Variants in NWD2 observed in about 807,000 individuals in gnomAD.
NWD2 encodes the protein NACHT and WD repeat domain containing 2.
NWD2 carries 37 observed loss-of-function variants against 132.7 expected under a neutral mutation model. That is an observed-to-expected ratio of 0.28 (90% CI 0.21 to 0.37). The LOEUF is 0.37. Ranked by LOEUF, NWD2 falls within the 10% of genes least tolerant of loss-of-function variation. The pLI is 1.00. For synonymous variants in NWD2, 705 were observed against 803.0 expected (o/e 0.88, Z 2.06); for missense variants, 1,592 against 2,122.4 (o/e 0.75, Z 4.91).
At chr4:37,350,365 G>A (rs1014666141) in intron 2 of NWD2, among the ~76,000 whole-genome samples, 1 of 152,136 alleles carries the variant, frequency 6.6e-6, no homozygotes, top group Admixed American at 6.5e-5. Context: ...TCCTTGAGCA[G>A]TATTTTGTAG....
rs957163635 is a variant in NWD2 at position 37,311,716 on chromosome 4, G to T, written c.152-14220G>T. ...GAAGTCCTTGCCCATGCCTATGTCC[G>T]GAATGGTAATGCCTAGGTTTTCTTC... On this transcript the variant is annotated intron_variant, in intron 1 of 6. Coordinates refer to ENST00000309447, the MANE Select transcript of NWD2 (RefSeq NM_001144990.2). Among the ~76,000 whole-genome samples the T allele has an allele frequency of 1.5e-4, 22 of 148,562 alleles. 2 individuals carry two copies. Among genetic ancestry groups the T allele is most frequent in the African/African-American group, 3.1e-4 (12 of 38,184 alleles).
At chr4:37,279,848 T>C (rs1577653857) in intron 1 of NWD2, among the ~76,000 whole-genome samples, 1 of 152,182 alleles carries the variant, frequency 6.6e-6, no homozygotes, top group Non-Finnish European at 1.5e-5. Flanking sequence ...TCTTTTCTCA[T>C]AAGAGAATTC....
Position 37,446,718 on chromosome 4 carries a change from G to A in NWD2, c.4730G>A (p.Arg1577His), listed in dbSNP as rs917363978. The change falls in exon 7 of 7, where the codon CGC (arginine) becomes CAC (histidine). Residue 1577 changes from arginine (R) to histidine (H), a missense_variant. Arg to His is a conservative substitution (Grantham distance 29). Around this residue, in one of 7 missense-constraint regions of NWD2, gnomAD observed 257 missense variants for 335.0 expected, o/e 0.77. Coordinates refer to ENST00000309447, the MANE Select transcript of NWD2 (RefSeq NM_001144990.2). The surrounding 1 kb of genome is among the most constrained non-coding windows in gnomAD (Gnocchi z 6.7). Reference protein sequence around the residue: ...IWRQRLSRDGRYLVYICFRNG... With the variant: ...IWRQRLSRDGHYLVYICFRNG... ...CGGCAGAGGTTGTCTCGGGATGGTCGCTACCTGGTATACATTTGTTTCCGA... is the reference window on the plus strand; with the variant it reads ...CGGCAGAGGTTGTCTCGGGATGGTCACTACCTGGTATACATTTGTTTCCGA... The A allele has an allele frequency of 2.6e-6, 4 of 1,551,332 alleles. No homozygotes were observed. The highest frequency in any genetic ancestry group is 4.9e-5 in the East Asian group (2 of 40,918).
Position 37,443,801 on chromosome 4 carries a change from T to A in NWD2, c.1813T>A (p.Ser605Thr). Residue 605 changes from serine (S) to threonine (T), a missense_variant, in exon 7 of 7, where the codon TCC becomes ACC. By Grantham distance (58) the Ser-to-Thr change is moderately conservative. Transcript: ENST00000309447. The surrounding 1 kb of genome is among the most constrained non-coding windows in gnomAD (Gnocchi z 4.1). ...GCAGATTTATGTGAACAATGCATTA[T>A]CCAAGTGCACACTGCCAATGTTTGT... is the stretch of plus-strand genomic sequence containing the variant. The part of the protein sequence containing the change: ...GQQIYVNNAL[S>T]KCTLPMFVNL... 1 of 1,552,056 alleles carries A rather than the reference T, an allele frequency of 6.4e-7. No individual in the cohort carries two copies.
chr4:37,307,152 G>A (rs1203841463), intron 1 of NWD2, among the ~76,000 whole-genome samples: 2 of 152,258 alleles, frequency 1.3e-5, no homozygotes, highest in South Asian at 4.1e-4. Context: ...TCCAATGTTG[G>A]CTGCAGTTTG....
intron 3 of NWD2, among the ~76,000 whole-genome samples, chr4:37,357,516 T>C (rs924914151): frequency 6.6e-6 from 1 of 152,202 alleles, no homozygotes; most frequent in Non-Finnish European, 1.5e-5. Context: ...GATTACTCAC[T>C]AACTGCCTGA....
intron 3 of NWD2, among the ~76,000 whole-genome samples, chr4:37,376,515 C>G (rs1691173896): frequency 1.3e-5 from 2 of 152,164 alleles, no homozygotes; most frequent in African/African-American, 4.8e-5. Flanking sequence ...ATGAATGCTT[C>G]CAGCTTGTAG....
chr4:37,410,400 G>C (rs1239365104), intron 3 of NWD2, among the ~76,000 whole-genome samples: 1 of 151,990 alleles, frequency 6.6e-6, no homozygotes, highest in Non-Finnish European at 1.5e-5. Context: ...GAACGAAAGA[G>C]AAAAAGCCAT....
intron 1 of NWD2, among the ~76,000 whole-genome samples, chr4:37,258,290 C>A (rs1177478219): frequency 6.6e-6 from 1 of 152,224 alleles, no homozygotes; most frequent in Non-Finnish European, 1.5e-5. Context: ...ACCCAACCAA[C>A]TTTCACTGTA....
At chr4:37,303,480 A>T (rs1036031049) in intron 1 of NWD2, among the ~76,000 whole-genome samples, 1 of 151,994 alleles carries the variant, frequency 6.6e-6, no homozygotes, top group East Asian at 1.9e-4. Context: ...TATTTCTTTT[A>T]TTTCTGTGAA....
At chr4:37,307,185 TTTAA>T (rs1481310839) in intron 1 of NWD2, among the ~76,000 whole-genome samples, 2 of 152,182 alleles carry the variant, frequency 1.3e-5, no homozygotes, top group East Asian at 3.8e-4. Flanking sequence ...AGTGATAAAG[TTTAA>T]TTATTTCTTT....
intron 3 of NWD2, among the ~76,000 whole-genome samples, chr4:37,406,082 G>T (rs1265662802): frequency 2.0e-5 from 3 of 152,180 alleles, no homozygotes; most frequent in Non-Finnish European, 4.4e-5. Flanking sequence ...AAGAAGTCAC[G>T]TTAAGTCATG....
intron 3 of NWD2, among the ~76,000 whole-genome samples, chr4:37,389,545 GAGAGCTTTT>G (rs1316354493): frequency 3.9e-5 from 6 of 152,222 alleles, no homozygotes; most frequent in African/African-American, 1.4e-4. Flanking sequence ...GCAGTTGACT[GAGAGCTTTT>G]CATGTTAGTC....
At chr4:37,359,129 T>G (rs905162798) in intron 3 of NWD2, among the ~76,000 whole-genome samples, 1 of 152,198 alleles carries the variant, frequency 6.6e-6, no homozygotes, top group Non-Finnish European at 1.5e-5. Context: ...TAGACATGAC[T>G]ATGAATTCCA....
chr4:37,304,382 C>T (rs1409947107), intron 1 of NWD2, among the ~76,000 whole-genome samples: 2 of 152,316 alleles, frequency 1.3e-5, no homozygotes, highest in East Asian at 3.9e-4. Flanking sequence ...CTTCCCAAAT[C>T]TCATGTCCTT....
chr4:37,402,297 A>C (rs1720910291), intron 3 of NWD2, among the ~76,000 whole-genome samples: 1 of 152,200 alleles, frequency 6.6e-6, no homozygotes. Flanking sequence ...CACAAAACCC[A>C]CTAGAATAGC....
intron 1 of NWD2, among the ~76,000 whole-genome samples, chr4:37,301,849 G>A (rs1047940197): frequency 1.3e-5 from 2 of 151,952 alleles, no homozygotes; most frequent in African/African-American, 2.4e-5. Context: ...TTTTATGTGT[G>A]TGCGTATAGT....
At chr4:37,375,846 C>T (rs1025432915) in intron 3 of NWD2, among the ~76,000 whole-genome samples, 1 of 152,264 alleles carries the variant, frequency 6.6e-6, no homozygotes, top group East Asian at 1.9e-4. Context: ...GGATTACAGG[C>T]GTGAGCCACC....
chr4:37,356,273 C>A, intron 2 of NWD2, 93 bp from the exon 3 acceptor site: 2 of 622,370 alleles, frequency 3.2e-6, no homozygotes, highest in South Asian at 6.2e-5. Flanking sequence ...AAACATGCTG[C>A]AAAGAGAAAA....
Sources: gnomAD v4.1 joint callset for allele counts (sites outside exome capture counted in the v4.1 genomes callset) on GRCh38, gnomAD v4.1.1 for gene constraint, gnomAD v4.1.1 regional missense constraint, Gnocchi (gnomAD v3.1) non-coding constraint, MANE v1.5 for transcripts, NCBI Gene and HGNC (gene_info 2026-07-23, HGNC 2026-07-21) for gene names.